The following RREB1 variants were observed in gnomAD, a reference collection of about 807,000 sequenced individuals.
RREB1 encodes the protein ras responsive element binding protein 1.
RREB1 carries 27 observed loss-of-function variants against 117.8 expected under a neutral mutation model. The observed-to-expected ratio is 0.23, with a 90% CI of 0.17 to 0.32. The LOEUF is 0.32. Among genes scored for constraint, RREB1 ranks in the 10% least tolerant of loss-of-function variants. The probability of loss-of-function intolerance (pLI) is 1.00; values close to 1 mark genes in which losing one functional copy is unlikely to be tolerated. For missense variants in RREB1, 2,577 were observed against 2,378.2 expected, an observed-to-expected ratio of 1.08 and a Z score of -1.74; for synonymous variants, 1,298 against 1,026.7, an observed-to-expected ratio of 1.26 and a Z score of -5.05.
At chr6:7,178,638 T>G (rs942089399) in intron 2 of RREB1, among the ~76,000 whole-genome samples, 1 of 152,260 alleles carries the variant, frequency 6.6e-6, no homozygotes, top group Non-Finnish European at 1.5e-5. Flanking sequence ...TGGTTCCTTC[T>G]GGAACAGATT....
intron 1 of RREB1, among the ~76,000 whole-genome samples, chr6:7,154,839 G>A (rs1346657788): frequency 6.6e-6 from 1 of 152,178 alleles, no homozygotes; most frequent in East Asian, 1.9e-4. Flanking sequence ...GAGACAGTCT[G>A]TCAGAGTTCG....
chr6:7,157,016 G>A (rs1354160285), intron 1 of RREB1, among the ~76,000 whole-genome samples: 4 of 152,286 alleles, frequency 2.6e-5, no homozygotes, highest in East Asian at 3.9e-4. Flanking sequence ...GACTGCCGCT[G>A]GGCTGCCTTG....
At chr6:7,218,721 C>T (rs1463181549) in intron 8 of RREB1, 1 of 151,526 alleles carries the variant, frequency 6.6e-6, no homozygotes, top group East Asian at 1.9e-4. Flanking sequence ...TTTTGGCTGC[C>T]TCTTTACCAT....
At chr6:7,225,210 G>A (rs905318432) in intron 8 of RREB1, among the ~76,000 whole-genome samples, 3 of 152,340 alleles carry the variant, frequency 2.0e-5, no homozygotes, top group Admixed American at 1.3e-4. Context: ...CTACCTTAGC[G>A]GTGGTGAGGG....
At position 7,181,829 on chromosome 6, in the gene RREB1, TA is replaced by T. The variant is rs1234955167; in HGVS notation, c.-42-38del. ...GCGCCCCCTGGCAATGACAGAAGCC[TA>T]AACTTCCCCATGATCACATCAGCAA... On this transcript the variant is annotated intron_variant, in intron 3 of 12. Transcript: ENST00000379938. 269 of 1,472,048 alleles carry T rather than the reference TA, an allele frequency of 1.8e-4. 1 individual carries two copies. Among genetic ancestry groups the T allele is most frequent in the Non-Finnish European group, 2.3e-4 (237 of 1,053,314 alleles). The allele number at this position is 1,472,048 out of a possible 1,614,324, so 91.2% of individuals were successfully genotyped here.
intron 1 of RREB1, among the ~76,000 whole-genome samples, chr6:7,121,960 C>T (rs1363774559): frequency 6.6e-6 from 1 of 152,152 alleles, no homozygotes; most frequent in Non-Finnish European, 1.5e-5. Context: ...TTGTCACCTA[C>T]TTAGGATTTC....
At chr6:7,148,909 A>G (rs1762992250) in intron 1 of RREB1, among the ~76,000 whole-genome samples, 1 of 152,144 alleles carries the variant, frequency 6.6e-6, no homozygotes, top group Non-Finnish European at 1.5e-5. Context: ...TCCAAATACC[A>G]TACCAGGTTG....
At chr6:7,144,281 A>G (rs934116580) in intron 1 of RREB1, among the ~76,000 whole-genome samples, 1 of 152,258 alleles carries the variant, frequency 6.6e-6, no homozygotes, top group Non-Finnish European at 1.5e-5. Context: ...TGATTTAACC[A>G]TTTCACAATG....
At chr6:7,155,479 T>A (rs1011796739) in intron 1 of RREB1, among the ~76,000 whole-genome samples, 1 of 152,270 alleles carries the variant, frequency 6.6e-6, no homozygotes, top group African/African-American at 2.4e-5. Context: ...CCCAGCTAAT[T>A]TTCATATTTT....
chr6:7,136,691 G>A (rs1027240532), intron 1 of RREB1, among the ~76,000 whole-genome samples: 2 of 152,160 alleles, frequency 1.3e-5, no homozygotes, highest in South Asian at 2.1e-4. Context: ...AGGTATAATG[G>A]TGTGCAAAGT....
rs553380564 is a variant in RREB1 at position 7,186,148 on chromosome 6, C to T, written c.172-1286C>T. On this transcript the variant is annotated intron_variant, in intron 4 of 12. Transcript: ENST00000379938. ...CCAGAGCCTAGACAGAGCATCCAGC[C>T]CTAGGGACGGTGCCCTCCATCCCGT... Among the ~76,000 whole-genome samples, 3 of 152,314 alleles carry T rather than the reference C, an allele frequency of 2.0e-5. No individual in the cohort carries two copies. The South Asian group carries it at 6.2e-4, about 32-fold the overall frequency.
At chr6:7,174,490 G>A (rs920156612) in intron 1 of RREB1, among the ~76,000 whole-genome samples, 2 of 152,030 alleles carry the variant, frequency 1.3e-5, no homozygotes, top group African/African-American at 4.8e-5. Context: ...AAAATGAAGG[G>A]AAATAAAATA....
chr6:7,110,229 TG>T (rs1473546699), intron 1 of RREB1, among the ~76,000 whole-genome samples: 1 of 152,234 alleles, frequency 6.6e-6, no homozygotes, highest in African/African-American at 2.4e-5. Flanking sequence ...GGTTTAGTTT[TG>T]TTTTTTCACA....
chr6:7,164,169 C>G (rs922180394), intron 1 of RREB1, among the ~76,000 whole-genome samples: 15 of 152,204 alleles, frequency 9.9e-5, no homozygotes, highest in Non-Finnish European at 1.0e-4. Flanking sequence ...AATACTGGCT[C>G]CATTCTGGAG....
intron 2 of RREB1, among the ~76,000 whole-genome samples, chr6:7,177,462 T>C (rs1285100750): frequency 2.0e-5 from 3 of 151,870 alleles, no homozygotes; most frequent in Non-Finnish European, 4.4e-5. Context: ...GTTGATCATA[T>C]CTATGACTTG....
intron 3 of RREB1, 134 bp from the exon 4 acceptor site, chr6:7,181,736 G>A (rs1764806016): frequency 1.6e-5 from 12 of 734,232 alleles, no homozygotes; most frequent in Middle Eastern, 3.4e-4. Flanking sequence ...CGTGAATGTG[G>A]CCTTTAACTG....
intron 1 of RREB1, among the ~76,000 whole-genome samples, chr6:7,130,248 T>TA (rs1762093974): frequency 6.6e-6 from 1 of 152,224 alleles, no homozygotes. Context: ...CTCCTTCCTC[T>TA]AAAAACCTGC....
chr6:7,181,198 C>T lies in RREB1; in HGVS notation c.-91C>T, dbSNP rs930406930. Reference sequence around the variant, plus strand: ...ATTTTCTACTCCGTGTGAATGATAGCTACAGCAGGGGAAAGTTTCATAGTC... The same window carrying T: ...ATTTTCTACTCCGTGTGAATGATAGTTACAGCAGGGGAAAGTTTCATAGTC... On this transcript the variant is annotated 5_prime_UTR_variant, in exon 3 of 13. Transcript: ENST00000379938. 1.0e-5 allele frequency: 4 copies of T among 398,620 alleles called. No individual in the cohort carries two copies. Among genetic ancestry groups the T allele is most frequent in the Non-Finnish European group, 1.8e-5 (4 of 226,190 alleles). The allele number at this position is 398,620 out of a possible 1,614,324, so 24.7% of individuals were successfully genotyped here. A position where few individuals can be genotyped will look rare whatever the true frequency, so the allele number is the denominator to read the frequency against.
At chr6:7,112,431 A>G (rs1212058231) in intron 1 of RREB1, among the ~76,000 whole-genome samples, 1 of 152,136 alleles carries the variant, frequency 6.6e-6, no homozygotes, top group Non-Finnish European at 1.5e-5. Context: ...AATATAATTA[A>G]GAAATTGATA....
Sources: allele counts gnomAD v4.1 joint callset (sites outside exome capture counted in the v4.1 genomes callset), GRCh38; gene constraint gnomAD v4.1.1; transcripts MANE v1.5; gene names NCBI Gene and HGNC (gene_info 2026-07-23, HGNC 2026-07-21).